Variants in MTFR1 observed in about 807,000 individuals in gnomAD.
MTFR1 encodes chondrocyte protein with a poly-proline region.
Under a neutral mutation model 38.8 loss-of-function variants are expected in MTFR1, and 28 were observed. That is an observed-to-expected ratio of 0.72 (90% CI 0.53 to 0.99). MTFR1 has a LOEUF of 0.99. MTFR1 is among the 50% of genes least tolerant of loss of function. The pLI, the probability that MTFR1 is intolerant of heterozygous loss-of-function variation, is 0.00. For synonymous variants in MTFR1, 145 were observed against 137.0 expected, an observed-to-expected ratio of 1.06 and a Z score of -0.41; for missense variants, 358 against 395.5, an observed-to-expected ratio of 0.91 and a Z score of 0.81.
intron 3 of MTFR1, chr8:65,747,919 TACC>T: frequency 1.9e-6 from 1 of 528,922 alleles, no homozygotes; most frequent in Non-Finnish European, 3.2e-6. Flanking sequence ...TAAATAATTA[TACC>T]ACATTTCCAT....
Position 65,760,662 on chromosome 8 carries a change from AT to A in MTFR1, c.*49-10280del, listed in dbSNP as rs575804519. Among the ~76,000 whole-genome samples the A allele has an allele frequency of 3.1e-3, 472 of 152,308 alleles. 3 individuals carry two copies. The highest frequency in any genetic ancestry group is 5.2e-3 in the Non-Finnish European group (354 of 68,026). Reference sequence around the variant, plus strand: ...TGAGATCACTTTAAGACTGTTGGAAATTTTTAGTTTCTTCATGTTTACTCCA... The same window carrying A: ...TGAGATCACTTTAAGACTGTTGGAAATTTTAGTTTCTTCATGTTTACTCCA... On this transcript the variant is annotated intron_variant, in intron 3 of 3. Coordinates refer to the MTFR1 transcript ENST00000521247.
downstream of MTFR1, among the ~76,000 whole-genome samples, chr8:65,773,372 A>G (rs1331818914): frequency 2.0e-5 from 3 of 152,202 alleles, no homozygotes; most frequent in South Asian, 4.1e-4. Context: ...GCAAGAGTCC[A>G]TTTTCAACTA....
rs534420465 is a variant in MTFR1 at position 65,764,197 on chromosome 8, T to C, written c.*49-6750T>C. Among the ~76,000 whole-genome samples, 10 of 152,286 alleles carry C rather than the reference T, an allele frequency of 6.6e-5. 1 individual carries two copies. The highest frequency in any genetic ancestry group is 1.9e-4 in the African/African-American group (8 of 41,568). ...ATAGAAAAGACAGGAAAAAGGGACA[T>C]GGGATTATTGTTTCCTGGGATATCG... On this transcript the variant is annotated intron_variant, in intron 3 of 3. Coordinates refer to the MTFR1 transcript ENST00000521247.
intron 3 of MTFR1, among the ~76,000 whole-genome samples, chr8:65,761,916 T>C (rs1325612380): frequency 6.6e-6 from 1 of 152,204 alleles, no homozygotes; most frequent in African/African-American, 2.4e-5. Flanking sequence ...GATTCTTTTC[T>C]ATCACCCAAA....
intron 3 of MTFR1, among the ~76,000 whole-genome samples, chr8:65,757,591 C>T (rs943725201): frequency 4.6e-5 from 7 of 151,888 alleles, no homozygotes; most frequent in Admixed American, 1.3e-4. Flanking sequence ...TCTCTTGCTC[C>T]AAGACTTTGT....
chr8:65,775,662 C>G (rs1362501405), downstream of MTFR1, among the ~76,000 whole-genome samples: 1 of 152,238 alleles, frequency 6.6e-6, no homozygotes, highest in Non-Finnish European at 1.5e-5. Context: ...AAGTCTCGCT[C>G]TGTAGCCAAG....
chr8:65,678,999 A>G (rs1364258393), intron 2 of MTFR1, among the ~76,000 whole-genome samples: 1 of 152,234 alleles, frequency 6.6e-6, no homozygotes, highest in Non-Finnish European at 1.5e-5. Context: ...ACCCTGCAAC[A>G]TGCGTAGTGA....
rs536641822 is a variant in MTFR1 at position 65,716,824 on chromosome 8, A to C, written c.382-2556A>C. Among the ~76,000 whole-genome samples, 3 of 152,292 alleles carry C rather than the reference A, an allele frequency of 2.0e-5. No individual in the cohort carries two copies. In the South Asian group the frequency reaches 6.2e-4, roughly 32 times the overall value. On this transcript the variant is annotated intron_variant, in intron 2 of 3. Coordinates refer to the MTFR1 transcript ENST00000521247. ...GTTATCAGACTTTCTGTACACATTA[A>C]ATATAGGCCAAGGTATGGCCATCTC...
chr8:65,727,265 T>C (rs2129066769), intron 3 of MTFR1: 1 of 1,613,540 alleles, frequency 6.2e-7, no homozygotes, highest in East Asian at 2.2e-5. Flanking sequence ...GCAATTAAGC[T>C]CAGCAAGATA....
downstream of MTFR1, among the ~76,000 whole-genome samples, chr8:65,714,047 A>G (rs1806035968): frequency 6.6e-6 from 1 of 151,508 alleles, no homozygotes; most frequent in Admixed American, 6.6e-5. Context: ...TTACCCGAAC[A>G]AAACCCTACA....
intron 3 of MTFR1, among the ~76,000 whole-genome samples, chr8:65,723,915 T>A (rs1806497179): frequency 6.6e-6 from 1 of 152,130 alleles, no homozygotes; most frequent in Non-Finnish European, 1.5e-5. Context: ...GATCCGGGTT[T>A]TAAATTACAC....
At chr8:65,711,878 C>T (rs1036510891), downstream of MTFR1, among the ~76,000 whole-genome samples, 31 of 152,130 alleles carry the variant, frequency 2.0e-4, no homozygotes, top group African/African-American at 6.8e-4. Flanking sequence ...AGGGCTCCTT[C>T]GATAAGGGCA....
chr8:65,670,135 A>G, intron 2 of MTFR1, 117 bp downstream of exon 2: 2 of 810,110 alleles, frequency 2.5e-6, no homozygotes, highest in Non-Finnish European at 3.8e-6. Context: ...ATGTTTATGT[A>G]CTGTTTAATT....
At chr8:65,673,901 G>A (rs1027482704) in intron 2 of MTFR1, among the ~76,000 whole-genome samples, 38 of 151,680 alleles carry the variant, frequency 2.5e-4, no homozygotes, top group African/African-American at 8.0e-4. Context: ...GCAAGACCCC[G>A]TCTCAAAAAA....
intron 3 of MTFR1, among the ~76,000 whole-genome samples, chr8:65,721,550 A>G (rs1806376988): frequency 6.6e-6 from 1 of 152,164 alleles, no homozygotes; most frequent in Non-Finnish European, 1.5e-5. Context: ...TCACCATCAG[A>G]TCAGTGACCT....
At chr8:65,646,208 A>G (rs932369803) in intron 1 of MTFR1, among the ~76,000 whole-genome samples, 2 of 152,196 alleles carry the variant, frequency 1.3e-5, no homozygotes, top group Non-Finnish European at 2.9e-5. Context: ...CAATAACCCT[A>G]TGAAGTAGGT....
chr8:65,683,132 CTTTTTTTTT>C (rs748824241), intron 3 of MTFR1, among the ~76,000 whole-genome samples: 1 of 121,686 alleles, frequency 8.2e-6, no homozygotes, highest in Admixed American at 8.6e-5. Flanking sequence ...TTCTTTCTTT[CTTTTTTTTT>C]TTTTTTTTTT....
At chr8:65,726,693 G>A (rs1316842303) in intron 3 of MTFR1, among the ~76,000 whole-genome samples, 6 of 152,068 alleles carry the variant, frequency 3.9e-5, no homozygotes, top group Non-Finnish European at 7.4e-5. Context: ...CCATTAAAAT[G>A]TTACCGACTA....
intron 3 of MTFR1, among the ~76,000 whole-genome samples, chr8:65,769,184 G>A (rs1226769513): frequency 6.7e-6 from 1 of 149,322 alleles, no homozygotes; most frequent in Non-Finnish European, 1.5e-5. Context: ...GGAGTTGGTG[G>A]TTGCAGTGTG....
Sources: allele counts gnomAD v4.1 joint callset (sites outside exome capture counted in the v4.1 genomes callset), GRCh38; gene constraint gnomAD v4.1.1; transcripts MANE v1.5; gene names NCBI Gene and HGNC (gene_info 2026-07-23, HGNC 2026-07-21).